HACD3: variants seen among roughly 807,000 people sequenced by gnomAD.
HACD3 encodes 3-hydroxyacyl-CoA dehydratase 3.
In HACD3, 30 loss-of-function variants were observed where a neutral mutation model predicts 55.2. That is an observed-to-expected ratio of 0.54 (90% CI 0.41 to 0.74). The LOEUF is 0.74. HACD3 is among the 30% of genes least tolerant of loss of function. The probability of loss-of-function intolerance (pLI) is 0.00; values close to 1 mark genes in which losing one functional copy is unlikely to be tolerated. For missense variants in HACD3, 363 were observed against 440.1 expected, an observed-to-expected ratio of 0.82 and a Z score of 1.57; for synonymous variants, 141 against 151.7, an observed-to-expected ratio of 0.93 and a Z score of 0.52.
rs766321970 is a variant in HACD3, at chr15:65,551,649, T to G, written c.88-27T>G. 8.7e-6 allele frequency: 14 copies of G among 1,613,742 alleles called. No homozygotes were observed. The East Asian group carries it at 3.1e-4, about 36-fold the overall frequency. On this transcript the variant is annotated intron_variant, in intron 1 of 10. Transcript: ENST00000261875. Reference sequence around the variant, plus strand: ...ATTTTTTCTCTTCATTAAAATGCCTTCTTGCATCCTTGGTCTCTTTTCACA... The same window carrying G: ...ATTTTTTCTCTTCATTAAAATGCCTGCTTGCATCCTTGGTCTCTTTTCACA...
intron 1 of HACD3, chr15:65,534,224 C>T (rs1173445171): frequency 6.6e-6 from 1 of 152,212 alleles, no homozygotes; most frequent in East Asian, 1.9e-4. Context: ...TGACCCACAG[C>T]TTATGTGTAA....
intron 1 of HACD3, among the ~76,000 whole-genome samples, chr15:65,538,242 A>C (rs903220890): frequency 2.6e-5 from 4 of 151,946 alleles, no homozygotes; most frequent in Non-Finnish European, 5.9e-5. Context: ...TCAATTGAAA[A>C]CTTTCTGGAA....
chr15:65,554,164 CCCA>C (rs1773687778), intron 2 of HACD3, among the ~76,000 whole-genome samples: 2 of 152,182 alleles, frequency 1.3e-5, no homozygotes, highest in Admixed American at 1.3e-4. Context: ...AGATGATACA[CCCA>C]CCAATTTTTG....
At chr15:65,544,849 C>T (rs962255551) in intron 1 of HACD3, among the ~76,000 whole-genome samples, 1 of 151,970 alleles carries the variant, frequency 6.6e-6, no homozygotes, top group African/African-American at 2.4e-5. Context: ...TGGAGAAACC[C>T]TGTCTCTACT....
intron 5 of HACD3, among the ~76,000 whole-genome samples, chr15:65,561,196 G>A (rs2072241042): frequency 6.6e-6 from 1 of 152,112 alleles, no homozygotes; most frequent in African/African-American, 2.4e-5. Flanking sequence ...GCCAGGCACG[G>A]TGGCTCATGC....
At position 65,535,801 on chromosome 15, in the gene HACD3, T is replaced by C. The variant is rs980523396; in HGVS notation, c.87+5083T>C. ...GCCTTGAACTCCTGGGTTTGAGCAG[T>C]CCTCCTGGCTCAGCCTACCAAGTAG... On this transcript the variant is annotated intron_variant, in intron 1 of 10. Coordinates refer to ENST00000261875, the MANE Select transcript of HACD3 (RefSeq NM_016395.4). 19 of 649,024 alleles carry C rather than the reference T, an allele frequency of 2.9e-5. No homozygotes were observed. In the East Asian group the frequency reaches 5.0e-4, roughly 17 times the overall value. 40.2% of individuals were successfully genotyped at this position (649,024 alleles called of 1,614,324 possible).
chr15:65,543,693 C>T (rs1427899320), intron 1 of HACD3, among the ~76,000 whole-genome samples: 1 of 152,092 alleles, frequency 6.6e-6, no homozygotes, highest in African/African-American at 2.4e-5. Flanking sequence ...AACTATGCCT[C>T]CTTGAAAAAA....
At chr15:65,561,097 A>G (rs2072240203) in intron 5 of HACD3, among the ~76,000 whole-genome samples, 1 of 152,140 alleles carries the variant, frequency 6.6e-6, no homozygotes. Flanking sequence ...CATTTACTGT[A>G]TCTGTCTCTT....
intron 7 of HACD3, among the ~76,000 whole-genome samples, chr15:65,568,547 T>C (rs1221399294): frequency 6.6e-6 from 1 of 151,512 alleles, no homozygotes; most frequent in Non-Finnish European, 1.5e-5. Flanking sequence ...TTAATAGAGA[T>C]GGGGTTTCAC....
chr15:65,576,239 C>G, intron 10 of HACD3, 64 bp from the exon 11 acceptor site: 2 of 1,537,080 alleles, frequency 1.3e-6, no homozygotes, highest in Non-Finnish European at 1.7e-6. Context: ...GTCCCTGCCA[C>G]AAGAGCTTCT....
Position 65,562,799 on chromosome 15 carries a change from C to G in HACD3, c.447C>G (p.Tyr149Ter). 1 of 1,613,756 alleles carries G rather than the reference C, an allele frequency of 6.2e-7. No homozygotes were observed. Among genetic ancestry groups the G allele is most frequent in the Non-Finnish European group, 8.5e-7 (1 of 1,179,836 alleles). The change falls in exon 6 of 11, where the codon TAC becomes TAG. Residue 149 changes from tyrosine (Y) to a stop codon, truncating the protein, a stop_gained. Transcript: ENST00000261875. LOFTEE classifies it high-confidence loss of function. ...PETLTNLRKG[Y>*]LFMYNLVQFL... ...CTCTTACAAACTTAAGGAAAGGATA[C>G]CTGTTTATGTATAATCTTGTGCAAT...
Position 65,571,636 on chromosome 15 carries a change from C to T in HACD3, c.862C>T (p.Leu288=), listed in dbSNP as rs2072349119. Residue 288 remains leucine (L), a synonymous_variant, in exon 9 of 11, where the codon CTG becomes TTG. Coordinates refer to ENST00000261875, the MANE Select transcript of HACD3 (RefSeq NM_016395.4). ...RYTLWIPLYP[L]GCLAEAVSVI... ...CACTCTGTGGATTCCCTTATATCCA[C>T]TGGGATGTTTGGCGGAAGGTACTCT... is the stretch of plus-strand genomic sequence containing the variant. 1 of 1,613,262 alleles carries T rather than the reference C, an allele frequency of 6.2e-7. No homozygotes were observed.
At position 65,556,865 on chromosome 15, in the gene HACD3, C is replaced by G; in HGVS notation, c.331C>G (p.Leu111Val). The G allele has an allele frequency of 6.2e-7, 1 of 1,612,954 alleles. No homozygotes were observed. Among genetic ancestry groups the G allele is most frequent in the Non-Finnish European group, 8.5e-7 (1 of 1,179,458 alleles). ...TTTGGCTCCTGACTTTGATCGTTGG[C>G]TGGATGAATCTGATGCGGAAATGGA... is the stretch of plus-strand genomic sequence containing the variant. The part of the protein sequence containing the change: ...LFLAPDFDRW[L>V]DESDAEMELR... The change falls in exon 4 of 11, where the codon CTG becomes GTG. Residue 111 changes from leucine to valine, a missense_variant. Transcript: ENST00000261875.
chr15:65,543,868 T>C (rs1407791453), intron 1 of HACD3, among the ~76,000 whole-genome samples: 1 of 152,110 alleles, frequency 6.6e-6, no homozygotes, highest in Non-Finnish European at 1.5e-5. Flanking sequence ...TTTGGCTGAG[T>C]GGATCACAAA....
chr15:65,535,310 T>A (rs182133662), intron 1 of HACD3, among the ~76,000 whole-genome samples: 6 of 152,308 alleles, frequency 3.9e-5, no homozygotes, highest in Admixed American at 1.3e-4. Context: ...AGATGACTAA[T>A]ATCACGACTA....
At chr15:65,574,734 T>G (rs2072384554) in intron 10 of HACD3, among the ~76,000 whole-genome samples, 1 of 152,220 alleles carries the variant, frequency 6.6e-6, no homozygotes. Flanking sequence ...TTTTTCTGTT[T>G]CAGCAAAGGG....
At chr15:65,569,995 C>T in intron 7 of HACD3, 96 bp from the exon 8 acceptor site, 1 of 760,622 alleles carries the variant, frequency 1.3e-6, no homozygotes, top group South Asian at 2.0e-5. Context: ...TTTCTATTTG[C>T]CTTGCATTTA....
intron 2 of HACD3, 70 bp downstream of exon 2, chr15:65,551,788 T>A (rs993834820): frequency 9.0e-6 from 14 of 1,547,406 alleles, no homozygotes; most frequent in Admixed American, 3.5e-5. Context: ...TTCCCTTTTT[T>A]AAAAAAATGT....
At chr15:65,570,383 T>G (rs1431495735) in intron 8 of HACD3, among the ~76,000 whole-genome samples, 180 bp downstream of exon 8, 1 of 152,268 alleles carries the variant, frequency 6.6e-6, no homozygotes, top group Admixed American at 6.5e-5. Flanking sequence ...TTTAAAGCCG[T>G]CATTGGATCA....
Sources: allele counts gnomAD v4.1 joint callset (sites outside exome capture counted in the v4.1 genomes callset), GRCh38; gene constraint gnomAD v4.1.1; transcripts MANE v1.5; gene names NCBI Gene and HGNC (gene_info 2026-07-23, HGNC 2026-07-21).